The following PCLAF variants were observed in gnomAD, a reference collection of about 807,000 sequenced individuals.
The protein encoded by PCLAF is PCNA-associated factor.
Under a neutral mutation model 15.1 loss-of-function variants are expected in PCLAF, and 12 were observed. That is an observed-to-expected ratio of 0.79 (90% CI 0.51 to 1.29). PCLAF has a LOEUF of 1.29. Ranked by LOEUF, PCLAF falls within the 50% of genes most tolerant of loss-of-function variation. PCLAF has a pLI of 0.00. For synonymous variants in PCLAF, 33 were observed against 47.1 expected (o/e 0.70, Z 1.22); for missense variants, 116 against 130.9 (o/e 0.89, Z 0.56).
chr15:64,369,354 CTG>C (rs1356950129), intron 3 of PCLAF, among the ~76,000 whole-genome samples: 6 of 102,456 alleles, frequency 5.9e-5, no homozygotes, highest in African/African-American at 2.3e-4. Context: ...GAGCAAAATC[CTG>C]TCTCTTTAAA....
upstream of PCLAF, among the ~76,000 whole-genome samples, chr15:64,384,385 C>T (rs563179908): frequency 1.7e-4 from 26 of 152,054 alleles, no homozygotes; most frequent in East Asian, 4.3e-3. Context: ...CTGCCTGCCT[C>T]GGCCTCCCAA....
chr15:64,377,205 C>T (rs1369048762), intron 2 of PCLAF, among the ~76,000 whole-genome samples: 2 of 151,526 alleles, frequency 1.3e-5, no homozygotes, highest in African/African-American at 4.8e-5. Context: ...CAGTGGCTCA[C>T]GCCTGTAATC....
intron 2 of PCLAF, among the ~76,000 whole-genome samples, chr15:64,377,410 T>TGAGCCAA (rs1321039625): frequency 7.2e-6 from 1 of 138,772 alleles, no homozygotes; most frequent in East Asian, 2.2e-4. Context: ...GAGGTTGCAG[T>TGAGCCAA]GAGCCAAGAT....
chr15:64,370,966 C>CT lies in PCLAF; in HGVS notation c.291-4892dup, dbSNP rs11299642. Among the ~76,000 whole-genome samples the CT allele has an allele frequency of 4.9e-3, 378 of 77,312 alleles. 13 individuals are homozygous for CT. The highest frequency in any genetic ancestry group is 7.0e-3 in the Non-Finnish European group (276 of 39,220). The allele number at this position is 77,312 out of a possible 152,430, so 50.7% of individuals were successfully genotyped here. ...TTTGTTATTTTGCTTATTTCATGTT[C>CT]TTTTTTTTTTTTTTTTTTTTGAGAC... On this transcript the variant is annotated intron_variant, in intron 3 of 3. Transcript: ENST00000300035.
chr15:64,367,980 C>A (rs1449084478), intron 3 of PCLAF, among the ~76,000 whole-genome samples: 1 of 151,930 alleles, frequency 6.6e-6, no homozygotes, highest in African/African-American at 2.4e-5. Flanking sequence ...TTAGATCCAG[C>A]AATCCTTGAT....
chr15:64,369,608 T>G (rs950967092), intron 3 of PCLAF, among the ~76,000 whole-genome samples: 2 of 152,100 alleles, frequency 1.3e-5, no homozygotes, highest in African/African-American at 4.8e-5. Context: ...CAGGCTGAAG[T>G]GCAGTGATCT....
upstream of PCLAF, chr15:64,381,541 C>A: frequency 4.7e-6 from 7 of 1,489,392 alleles, no homozygotes; most frequent in Non-Finnish European, 6.3e-6. Flanking sequence ...GCCGTTCCCC[C>A]TGAACCAATT....
chr15:64,386,500 T>C (rs187748741), intron 1 of PCLAF, among the ~76,000 whole-genome samples: 2 of 152,226 alleles, frequency 1.3e-5, no homozygotes, highest in African/African-American at 4.8e-5. Context: ...TTTTTCATTT[T>C]TGTAGAGATG....
chr15:64,381,292 C>T, intron 1 of PCLAF, 34 bp downstream of exon 1: 2 of 1,610,470 alleles, frequency 1.2e-6, no homozygotes, highest in African/African-American at 1.3e-5. Flanking sequence ...GGGAGGACCC[C>T]CCCGCCCTCC....
At chr15:64,377,485 AAAAATATATATATATATATATAT>A (rs1201720859) in intron 2 of PCLAF, among the ~76,000 whole-genome samples, 2 of 40,990 alleles carry the variant, frequency 4.9e-5, no homozygotes, top group African/African-American at 8.9e-5. Context: ...AAAAAAAAAA[AAAAATATATATATATATATATAT>A]ATATATATAT....
intron 3 of PCLAF, among the ~76,000 whole-genome samples, chr15:64,376,524 A>G (rs1273244789): frequency 6.6e-6 from 1 of 152,060 alleles, no homozygotes; most frequent in Non-Finnish European, 1.5e-5. Context: ...GCACCAAGCA[A>G]TTCTTTTGTT....
intron 2 of PCLAF, among the ~76,000 whole-genome samples, chr15:64,378,866 A>G (rs1380151378): frequency 6.6e-6 from 1 of 151,824 alleles, no homozygotes; most frequent in Non-Finnish European, 1.5e-5. Flanking sequence ...AGCCGAGTTC[A>G]TGCCACTGCA....
At chr15:64,377,692 AT>A (rs1188655069) in intron 2 of PCLAF, among the ~76,000 whole-genome samples, 2 of 138,126 alleles carry the variant, frequency 1.4e-5, no homozygotes, top group Non-Finnish European at 3.1e-5. Context: ...AGTAGATTCC[AT>A]TTTTCAAAGC....
In PCLAF at chr15:64,381,027, G is replaced by A. The variant is rs762655316; in HGVS notation, c.58C>T (p.Arg20Ter). ...PGTYRKVVAA[R>*]APRKVLGSST... is the part of the protein sequence containing the mutation. ...GAACCAAGCACCTTTCTGGGGGCTC[G>A]AGCAGCCACCACTGTGAAGAGAGGC... The change falls in exon 2 of 4, where the codon CGA (arginine) becomes TGA (stop). Residue 20 changes from arginine (R) to a stop codon, truncating the protein, a stop_gained. Coordinates refer to ENST00000300035, the MANE Select transcript of PCLAF (RefSeq NM_014736.6). LOFTEE classifies it high-confidence loss of function. The A allele has an allele frequency of 1.2e-6, 2 of 1,613,978 alleles. No homozygotes were observed. The highest frequency in any genetic ancestry group is 1.7e-6 in the Non-Finnish European group (2 of 1,179,978).
intron 3 of PCLAF, among the ~76,000 whole-genome samples, chr15:64,372,545 C>T (rs1394707068): frequency 7.9e-5 from 12 of 152,070 alleles, no homozygotes; most frequent in Non-Finnish European, 2.9e-5. Context: ...ACCCAGGAGG[C>T]GGAGCTTGCA....
intron 2 of PCLAF, among the ~76,000 whole-genome samples, chr15:64,377,171 C>A (rs991699993): frequency 6.6e-6 from 1 of 151,616 alleles, no homozygotes; most frequent in Non-Finnish European, 1.5e-5. Flanking sequence ...ACAAGCAGAG[C>A]TATTCAAATA....
At chr15:64,384,059 C>T (rs184754189), upstream of PCLAF, among the ~76,000 whole-genome samples, 19 of 151,988 alleles carry the variant, frequency 1.3e-4, no homozygotes, top group East Asian at 3.7e-3. Context: ...GTGGAGTGAA[C>T]CTGAAAATTT....
At chr15:64,383,286 C>A (rs569975800), upstream of PCLAF, among the ~76,000 whole-genome samples, 2 of 151,870 alleles carry the variant, frequency 1.3e-5, no homozygotes, top group Non-Finnish European at 2.9e-5. Context: ...CCAAATCAAC[C>A]GGAAAAATCC....
rs1037163019 is a variant in PCLAF, at chr15:64,364,538, C to T, written c.*1492G>A. 1.3e-5 allele frequency: 2 copies of T among 151,972 alleles called. No homozygotes were observed. The highest frequency in any genetic ancestry group is 2.1e-4 in the South Asian group (1 of 4,824). The allele number at this position is 151,972 out of a possible 1,614,324, so 9.4% of individuals were successfully genotyped here. Reference sequence around the variant, plus strand: ...TTTGCCTTTCATGTTATATTGACTTCCAACTTTAAAATTATATTTTATGAT... The same window carrying T: ...TTTGCCTTTCATGTTATATTGACTTTCAACTTTAAAATTATATTTTATGAT... On this transcript the variant is annotated 3_prime_UTR_variant, in exon 4 of 4. Transcript: ENST00000300035.
Sources: allele counts gnomAD v4.1 joint callset (sites outside exome capture counted in the v4.1 genomes callset), GRCh38; gene constraint gnomAD v4.1.1; transcripts MANE v1.5; gene names NCBI Gene and HGNC (gene_info 2026-07-23, HGNC 2026-07-21).